Variants in LETM1 observed in about 807,000 individuals in gnomAD.
The protein encoded by LETM1 is leucine zipper and EF-hand containing transmembrane protein 1, also known as mitochondrial proton/calcium exchanger protein.
A neutral mutation model predicts 74.5 loss-of-function variants in LETM1; 50 were observed. The observed-to-expected ratio is 0.67, with a 90% confidence interval of 0.53 to 0.85. LETM1 has a LOEUF of 0.85. Among genes scored for constraint, LETM1 ranks in the 40% least tolerant of loss-of-function variants. LETM1 has a pLI of 0.00. For missense variants in LETM1, 824 were observed against 967.8 expected, an observed-to-expected ratio of 0.85 and a Z score of 1.97; for synonymous variants, 446 against 407.1, an observed-to-expected ratio of 1.10 and a Z score of -1.15.
At chr4:1,852,062 A>G (rs988432056) in intron 1 of LETM1, among the ~76,000 whole-genome samples, 2 of 151,988 alleles carry the variant, frequency 1.3e-5, no homozygotes, top group African/African-American at 2.4e-5. Flanking sequence ...TCCAACACCA[A>G]CGAATTCTCC....
intron 2 of LETM1, among the ~76,000 whole-genome samples, chr4:1,845,490 T>A (rs1423393251): frequency 6.6e-6 from 1 of 152,094 alleles, no homozygotes; most frequent in African/African-American, 2.4e-5. Context: ...AAATAAAAAG[T>A]AAAATTTTTT....
chr4:1,842,439 C>T (rs1292586729), intron 2 of LETM1, among the ~76,000 whole-genome samples: 1 of 152,218 alleles, frequency 6.6e-6, no homozygotes, highest in Non-Finnish European at 1.5e-5. Context: ...CACACCTGCC[C>T]CCCCGCCTGG....
At chr4:1,826,862 C>T (rs150867697) in intron 6 of LETM1, among the ~76,000 whole-genome samples, 2 of 152,344 alleles carry the variant, frequency 1.3e-5, no homozygotes, top group African/African-American at 4.8e-5. Flanking sequence ...CTGGGGATCA[C>T]GATACACAAT....
At chr4:1,823,849 C>A (rs1711886790) in intron 7 of LETM1, 74 bp from the exon 8 acceptor site, 1 of 1,489,086 alleles carries the variant, frequency 6.7e-7, no homozygotes, top group African/African-American at 1.4e-5. Context: ...CCGCCCATCT[C>A]ATCACCAGAA....
chr4:1,826,254 C>A (rs1392546392), intron 6 of LETM1, among the ~76,000 whole-genome samples: 4 of 152,244 alleles, frequency 2.6e-5, no homozygotes, highest in African/African-American at 9.6e-5. Flanking sequence ...CAACAGGGCT[C>A]CCATGCCAGG....
intron 6 of LETM1, among the ~76,000 whole-genome samples, chr4:1,829,163 G>A (rs1577316930): frequency 7.4e-6 from 1 of 135,586 alleles, no homozygotes; most frequent in African/African-American, 2.9e-5. Flanking sequence ...GGCCGGGCAG[G>A]GGGGCTGACC....
In LETM1 at chr4:1,836,477, C is replaced by T. The variant is rs772579122; in HGVS notation, c.690G>A (p.Lys230=). Residue 230 remains lysine, a synonymous_variant, in exon 4 of 14, where the codon AAG becomes AAA. Coordinates refer to ENST00000302787, the MANE Select transcript of LETM1 (RefSeq NM_012318.3). The surrounding 1 kb of genome is among the most constrained non-coding windows in gnomAD (Gnocchi z 5.8). The part of the protein sequence containing the change: ...FMEFLLPVAV[K]LFPNMLPSTF... Reference sequence around the variant, plus strand: ...TGGATGGCAACATGTTGGGGAAGAGCTTCACAGCAACAGGCAGCAGAAACT... The same window carrying T: ...TGGATGGCAACATGTTGGGGAAGAGTTTCACAGCAACAGGCAGCAGAAACT... 4 of 1,614,044 alleles carry T rather than the reference C, an allele frequency of 2.5e-6. No homozygotes were observed. Among genetic ancestry groups the T allele is most frequent in the Non-Finnish European group, 3.4e-6 (4 of 1,179,998 alleles).
intron 3 of LETM1, among the ~76,000 whole-genome samples, chr4:1,838,200 A>T (rs1712523212): frequency 6.6e-6 from 1 of 151,782 alleles, no homozygotes; most frequent in Non-Finnish European, 1.5e-5. Context: ...CCCGAGTTCA[A>T]GTGATTCTCC....
At chr4:1,828,714 C>T (rs867407135) in intron 6 of LETM1, among the ~76,000 whole-genome samples, 4 of 132,874 alleles carry the variant, frequency 3.0e-5, no homozygotes, top group Admixed American at 7.4e-5. Context: ...CCGGATGGGG[C>T]GGCTGGCCGG....
intron 8 of LETM1, 68 bp downstream of exon 8, chr4:1,823,576 C>T: frequency 6.3e-7 from 1 of 1,593,200 alleles, no homozygotes; most frequent in Non-Finnish European, 8.6e-7. Flanking sequence ...TGCACACCTC[C>T]CCCCACCCCA....
intron 1 of LETM1, 58 bp from the exon 2 acceptor site, chr4:1,849,267 CT>C (rs1455885230): frequency 2.6e-5 from 33 of 1,283,096 alleles, no homozygotes; most frequent in Non-Finnish European, 3.2e-5. Flanking sequence ...ATACTGATAC[CT>C]TTTTTTGTTG....
intron 10 of LETM1, among the ~76,000 whole-genome samples, chr4:1,820,246 T>G (rs1266549633): frequency 6.6e-6 from 1 of 152,108 alleles, no homozygotes; most frequent in Non-Finnish European, 1.5e-5. Context: ...CTCTGTTTGG[T>G]TTTTCTTTCC....
At chr4:1,849,003 T>G in intron 2 of LETM1, 146 bp downstream of exon 2, 1 of 644,100 alleles carries the variant, frequency 1.6e-6, no homozygotes, top group Non-Finnish European at 2.9e-6. Flanking sequence ...ATTTTCAAAA[T>G]GGAAAGATAA....
At chr4:1,848,689 C>A (rs1320244188) in intron 2 of LETM1, among the ~76,000 whole-genome samples, 1 of 122,560 alleles carries the variant, frequency 8.2e-6, no homozygotes, top group Non-Finnish European at 1.6e-5. Flanking sequence ...GCACTCCAGT[C>A]TGGGTGACAG....
At chr4:1,823,498 C>G in intron 8 of LETM1, 146 bp downstream of exon 8, 3 of 815,186 alleles carry the variant, frequency 3.7e-6, no homozygotes, top group Non-Finnish European at 5.5e-6. Flanking sequence ...GGACAGGTGG[C>G]TGGGTGGGGG....
intron 11 of LETM1, among the ~76,000 whole-genome samples, chr4:1,817,167 C>T (rs1456626745): frequency 6.7e-6 from 1 of 148,614 alleles, no homozygotes; most frequent in African/African-American, 2.5e-5. Context: ...ATCGCTTGAA[C>T]CCAGGAGGCA....
At chr4:1,840,548 T>A (rs1025106299) in intron 3 of LETM1, among the ~76,000 whole-genome samples, 4 of 151,262 alleles carry the variant, frequency 2.6e-5, no homozygotes, top group African/African-American at 9.8e-5. Context: ...GTGCCTGTAG[T>A]GCCAGCTACT....
intron 1 of LETM1, among the ~76,000 whole-genome samples, chr4:1,852,609 C>T (rs1482095801): frequency 6.6e-6 from 1 of 152,214 alleles, no homozygotes; most frequent in African/African-American, 2.4e-5. Flanking sequence ...AGCATAAACT[C>T]AGGTGCAGTG....
At chr4:1,827,271 GTTCTT>G (rs1236239080) in intron 6 of LETM1, among the ~76,000 whole-genome samples, 6 of 135,192 alleles carry the variant, frequency 4.4e-5, no homozygotes, top group African/African-American at 1.8e-4. Context: ...TGGATTGACA[GTTCTT>G]TTTTTTTTTT....
Sources: gnomAD v4.1 joint callset for allele counts (sites outside exome capture counted in the v4.1 genomes callset) on GRCh38, gnomAD v4.1.1 for gene constraint, Gnocchi (gnomAD v3.1) non-coding constraint, MANE v1.5 for transcripts, NCBI Gene and HGNC (gene_info 2026-07-23, HGNC 2026-07-21) for gene names.